Variants in FRYL observed in about 807,000 individuals in gnomAD.
FRYL encodes the protein FRY like transcription coactivator, also known as protein furry homolog-like.
FRYL carries 150 observed loss-of-function variants against 351.2 expected under a neutral mutation model. The ratio of observed to expected loss-of-function variants is 0.43; its 90% CI spans 0.37 to 0.49. The LOEUF is 0.49. Among genes scored for constraint, FRYL ranks in the 20% least tolerant of loss-of-function variants. FRYL has a pLI of 0.00. For synonymous variants in FRYL, 1,153 were observed against 1,257.1 expected, an observed-to-expected ratio of 0.92 and a Z score of 1.75; for missense variants, 3,036 against 3,619.3, an observed-to-expected ratio of 0.84 and a Z score of 4.13.
rs570103735 is a variant in FRYL, at chr4:48,701,545, T to C, written c.-204+8974A>G. Among the ~76,000 whole-genome samples the C allele has an allele frequency of 1.7e-4, 26 of 152,300 alleles. No individual in the cohort carries two copies. In the East Asian group the frequency reaches 2.3e-3, roughly 14 times the overall value. ...TAAGGATTTTTAAAAAGAGAGTATA[T>C]GAAATCATTTTGCAAGTTGTAGGCA... On this transcript the variant is annotated intron_variant, in intron 2 of 63. Coordinates refer to ENST00000358350, the MANE Select transcript of FRYL (RefSeq NM_015030.2).
At chr4:48,773,686 G>A (rs183899629) in intron 1 of FRYL, among the ~76,000 whole-genome samples, 1 of 152,132 alleles carries the variant, frequency 6.6e-6, no homozygotes, top group African/African-American at 2.4e-5. Context: ...AGCACTTTGG[G>A]AGGCCAAGGC....
At chr4:48,678,481 C>T (rs1349160667) in intron 3 of FRYL, among the ~76,000 whole-genome samples, 1 of 123,974 alleles carries the variant, frequency 8.1e-6, no homozygotes, top group Non-Finnish European at 1.6e-5. Context: ...TGCACTCCAG[C>T]CTGGCGACAG....
intron 1 of FRYL, among the ~76,000 whole-genome samples, chr4:48,758,329 CA>C (rs1774023410): frequency 2.0e-5 from 3 of 152,150 alleles, no homozygotes; most frequent in South Asian, 2.1e-4. Context: ...GCAATCTATC[CA>C]TGTGACAAAG....
intron 3 of FRYL, among the ~76,000 whole-genome samples, chr4:48,647,848 T>C (rs1756845423): frequency 6.6e-6 from 1 of 152,124 alleles, no homozygotes; most frequent in African/African-American, 2.4e-5. Flanking sequence ...ATGATAAGAG[T>C]ATTCTGACAA....
intron 1 of FRYL, among the ~76,000 whole-genome samples, chr4:48,744,158 G>A: frequency 6.6e-6 from 1 of 152,018 alleles, no homozygotes; most frequent in Non-Finnish European, 1.5e-5. Context: ...GGGGAGGGGG[G>A]TGATTGCTAA....
chr4:48,672,546 C>T (rs571713523), intron 3 of FRYL, among the ~76,000 whole-genome samples: 1 of 152,332 alleles, frequency 6.6e-6, no homozygotes, highest in Admixed American at 6.5e-5. Context: ...AAAAAGAAGT[C>T]CTGACCTCCT....
chr4:48,705,226 G>T (rs182158984), intron 2 of FRYL, among the ~76,000 whole-genome samples: 1 of 151,728 alleles, frequency 6.6e-6, no homozygotes, highest in Admixed American at 6.6e-5. Flanking sequence ...TTATATATCC[G>T]CAAGGTTATG....
chr4:48,778,502 ACGGTTGTAACTTG>A (rs1776262837), intron 1 of FRYL, among the ~76,000 whole-genome samples: 1 of 152,254 alleles, frequency 6.6e-6, no homozygotes, highest in Non-Finnish European at 1.5e-5. Flanking sequence ...CTTTGTTTAT[ACGGTTGTAACTTG>A]CACATGCAAG....
At chr4:48,570,687 G>T in intron 27 of FRYL, 140 bp downstream of exon 27, 1 of 570,034 alleles carries the variant, frequency 1.8e-6, no homozygotes, top group Non-Finnish European at 3.1e-6. Context: ...ATATTTATTT[G>T]TTAAATAATT....
chr4:48,535,796 A>C lies in FRYL; in HGVS notation c.6425T>G (p.Val2142Gly). Residue 2142 changes from valine to glycine, a missense_variant, in exon 48 of 64, where the codon GTC (valine) becomes GGC (glycine). This residue lies in a region of FRYL where 1,987 missense variants were observed against 2,311.7 expected (regional missense o/e 0.86). Coordinates refer to ENST00000358350, the MANE Select transcript of FRYL (RefSeq NM_015030.2). Reference sequence around the variant, plus strand: ...CAAACTCATCATGTGTGCCAGATTGACAAGTGTTGGGCATTTTTCTTCTGC... The same window carrying C: ...CAAACTCATCATGTGTGCCAGATTGCCAAGTGTTGGGCATTTTTCTTCTGC... ...VCAEEKCPTLVNLAHMMSLYS... is the reference protein window; with the variant it reads ...VCAEEKCPTLGNLAHMMSLYS... 1 of 1,563,372 alleles carries C rather than the reference A, an allele frequency of 6.4e-7. No homozygotes were observed. The highest frequency in any genetic ancestry group is 8.7e-7 in the Non-Finnish European group (1 of 1,151,316).
In FRYL at chr4:48,510,842, G is replaced by T. The variant is rs1396585168; in HGVS notation, c.8288C>A (p.Ala2763Asp). ...CSECPTVFVDAETLMSCGLLE... is the reference protein window; with the variant it reads ...CSECPTVFVDDETLMSCGLLE... ...CTGCATGTAAAAACTTACTGTTTCA[G>T]CATCCACAAAGACTGTTGGGCATTC... is the stretch of plus-strand genomic sequence containing the variant. Residue 2763 changes from alanine to aspartate, a missense_variant, in exon 58 of 64, where the codon GCT becomes GAT. By Grantham distance (126) the Ala-to-Asp change is moderately radical. Coordinates refer to ENST00000358350, the MANE Select transcript of FRYL (RefSeq NM_015030.2). 1 of 1,610,560 alleles carries T rather than the reference G, an allele frequency of 6.2e-7. No homozygotes were observed. The highest frequency in any genetic ancestry group is 1.7e-5 in the Admixed American group (1 of 59,484).
chr4:48,700,799 C>T (rs1215551643), intron 2 of FRYL, among the ~76,000 whole-genome samples: 1 of 150,134 alleles, frequency 6.7e-6, no homozygotes, highest in Non-Finnish European at 1.5e-5. Context: ...AAGACCCTGA[C>T]TCAAAAAAAT....
intron 1 of FRYL, among the ~76,000 whole-genome samples, chr4:48,750,643 C>T (rs1368388536): frequency 2.6e-5 from 4 of 151,980 alleles, no homozygotes; most frequent in East Asian, 1.9e-4. Flanking sequence ...GATCTTCTAA[C>T]GAACTGAATG....
intron 1 of FRYL, among the ~76,000 whole-genome samples, chr4:48,778,683 G>A (rs1368509358): frequency 6.6e-6 from 1 of 152,156 alleles, no homozygotes. Flanking sequence ...ATGAAAAGAC[G>A]TCTTATACTA....
intron 28 of FRYL, 83 bp from the exon 29 acceptor site, chr4:48,565,774 A>G: frequency 7.5e-7 from 1 of 1,337,216 alleles, no homozygotes. Flanking sequence ...TGAATGTGTA[A>G]TAGTGTAAAA....
intron 1 of FRYL, among the ~76,000 whole-genome samples, chr4:48,728,697 A>T (rs1770352812): frequency 6.6e-6 from 1 of 152,194 alleles, no homozygotes; most frequent in Non-Finnish European, 1.5e-5. Flanking sequence ...CAAAGATAAG[A>T]TTTACATCCC....
intron 1 of FRYL, among the ~76,000 whole-genome samples, chr4:48,731,875 C>T (rs1770768173): frequency 6.6e-6 from 1 of 152,044 alleles, no homozygotes; most frequent in African/African-American, 2.4e-5. Context: ...TAGGCATGGG[C>T]AAAATGTCTA....
intron 35 of FRYL, among the ~76,000 whole-genome samples, chr4:48,554,152 C>T (rs1433901642): frequency 1.3e-5 from 2 of 151,946 alleles, no homozygotes; most frequent in African/African-American, 4.8e-5. Context: ...TATTTTAATC[C>T]TTACTACTCA....
At chr4:48,541,267 C>T (rs1730102452) in intron 45 of FRYL, among the ~76,000 whole-genome samples, 1 of 152,208 alleles carries the variant, frequency 6.6e-6, no homozygotes, top group Admixed American at 6.5e-5. Flanking sequence ...ATGTCCAAAG[C>T]TGACTTCATT....
Sources: allele counts gnomAD v4.1 joint callset (sites outside exome capture counted in the v4.1 genomes callset), GRCh38; gene constraint gnomAD v4.1.1; regional missense constraint gnomAD v4.1.1; transcripts MANE v1.5; gene names NCBI Gene and HGNC (gene_info 2026-07-23, HGNC 2026-07-21).